CPNE4: variants seen among roughly 807,000 people sequenced by gnomAD.
CPNE4 encodes copine 4, also known as copine-4.
Under a neutral mutation model 67.9 loss-of-function variants are expected in CPNE4, and 25 were observed. The observed-to-expected ratio is 0.37, with a 90% CI of 0.27 to 0.51. CPNE4 has a LOEUF of 0.51. Among genes scored for constraint, CPNE4 ranks in the 20% least tolerant of loss-of-function variants. The probability of loss-of-function intolerance (pLI) is 0.93; values close to 1 mark genes in which losing one functional copy is unlikely to be tolerated. For synonymous variants in CPNE4, 242 were observed against 244.9 expected (o/e 0.99, Z 0.11); for missense variants, 464 against 690.8 (o/e 0.67, Z 3.68).
intron 2 of CPNE4, among the ~76,000 whole-genome samples, chr3:131,812,914 T>G (rs2084592979): frequency 6.6e-6 from 1 of 152,188 alleles, no homozygotes. Context: ...AGAATAACAT[T>G]TTAGGTAGTA....
At chr3:131,774,984 A>C (rs1167813078) in intron 2 of CPNE4, among the ~76,000 whole-genome samples, 1 of 152,156 alleles carries the variant, frequency 6.6e-6, no homozygotes, top group African/African-American at 2.4e-5. Context: ...GAGATAAAGC[A>C]AACAGGGAGG....
At chr3:131,966,500 A>C (rs1027437390) in intron 1 of CPNE4, among the ~76,000 whole-genome samples, 1 of 152,020 alleles carries the variant, frequency 6.6e-6, no homozygotes, top group Admixed American at 6.6e-5. Context: ...AGAAAAGAGA[A>C]AAGAATCAAA....
At position 131,803,233 on chromosome 3, in the gene CPNE4, A is replaced by C. The variant is rs114714361; in HGVS notation, c.181-79608T>G. On this transcript the variant is annotated intron_variant, in intron 2 of 15. Transcript: ENST00000429747. ...GAATTTTCATTTGAGTATGGTTATG[A>C]TTGCACCCACATCTGTGAGGATGAC... Among the ~76,000 whole-genome samples, 1,171 of 152,302 alleles carry C rather than the reference A, an allele frequency of 7.7e-3. 15 individuals carry two copies. Among genetic ancestry groups the C allele is most frequent in the African/African-American group, 0.026 (1,083 of 41,576 alleles).
intron 2 of CPNE4, among the ~76,000 whole-genome samples, chr3:131,767,964 T>C (rs961743588): frequency 6.6e-6 from 1 of 152,082 alleles, no homozygotes; most frequent in Non-Finnish European, 1.5e-5. Flanking sequence ...ATTTTTCCAC[T>C]CAAGTCTAGT....
intron 2 of CPNE4, among the ~76,000 whole-genome samples, chr3:131,750,070 T>C (rs960391115): frequency 1.3e-5 from 2 of 152,166 alleles, no homozygotes; most frequent in Non-Finnish European, 2.9e-5. Flanking sequence ...AGTCTCATCA[T>C]GGGGCCTCAC....
At chr3:131,998,718 T>TG (rs566515095) in intron 1 of CPNE4, among the ~76,000 whole-genome samples, 78 of 19,464 alleles carry the variant, frequency 4.0e-3, no homozygotes, top group Non-Finnish European at 7.4e-3. Context: ...GATACAGAAA[T>TG]GAAAAGATGG....
chr3:131,952,922 C>T (rs2071809795), intron 1 of CPNE4, among the ~76,000 whole-genome samples: 2 of 152,104 alleles, frequency 1.3e-5, no homozygotes. Flanking sequence ...CCTTGGGATC[C>T]TGTTGATCTG....
chr3:131,602,209 G>A (rs1178020765), intron 7 of CPNE4, among the ~76,000 whole-genome samples: 4 of 152,058 alleles, frequency 2.6e-5, no homozygotes, highest in Non-Finnish European at 5.9e-5. Context: ...AGGAGTCTGT[G>A]GTTTGTGACT....
chr3:132,015,726 C>T (rs2073877123), intron 1 of CPNE4, among the ~76,000 whole-genome samples: 2 of 152,220 alleles, frequency 1.3e-5, no homozygotes, highest in Non-Finnish European at 2.9e-5. Context: ...CCAAGCAATG[C>T]TGCTGATGAG....
intron 2 of CPNE4, among the ~76,000 whole-genome samples, chr3:131,750,089 C>T (rs990552564): frequency 6.6e-6 from 1 of 152,090 alleles, no homozygotes; most frequent in Admixed American, 6.6e-5. Context: ...ACCTGAGTGA[C>T]CTTATCTAAT....
chr3:131,844,276 T>A (rs889428240), intron 2 of CPNE4, among the ~76,000 whole-genome samples: 3 of 149,652 alleles, frequency 2.0e-5, no homozygotes, highest in African/African-American at 7.5e-5. Context: ...TTTTTTTTTT[T>A]CCGAGATGGA....
chr3:131,795,268 T>G (rs1429500325), intron 2 of CPNE4, among the ~76,000 whole-genome samples: 1 of 152,152 alleles, frequency 6.6e-6, no homozygotes, highest in Non-Finnish European at 1.5e-5. Flanking sequence ...GTGAGAGGCA[T>G]AAGCATCAAA....
At chr3:131,789,035 C>CACACACAG (rs1553771459) in intron 2 of CPNE4, among the ~76,000 whole-genome samples, 1,459 of 137,320 alleles carry the variant, frequency 0.011, 11 homozygotes, top group Middle Eastern at 0.022. Flanking sequence ...CACACACACA[C>CACACACAG]AGAGAGAGAG....
At chr3:131,806,656 G>T (rs1053645318) in intron 2 of CPNE4, among the ~76,000 whole-genome samples, 3 of 152,048 alleles carry the variant, frequency 2.0e-5, no homozygotes, top group Admixed American at 2.0e-4. Flanking sequence ...CAAGTGTAGG[G>T]AAAAAGTGAA....
chr3:131,856,167 A>G (rs897223868), intron 2 of CPNE4, among the ~76,000 whole-genome samples: 2 of 152,018 alleles, frequency 1.3e-5, no homozygotes, highest in African/African-American at 4.8e-5. Context: ...TATTAAGTCT[A>G]TTCAAGTTAC....
chr3:131,795,907 C>T (rs2083906047), intron 2 of CPNE4, among the ~76,000 whole-genome samples: 1 of 152,196 alleles, frequency 6.6e-6, no homozygotes, highest in South Asian at 2.1e-4. Flanking sequence ...TTTTTGGCTC[C>T]TGGCCAGAGG....
intron 2 of CPNE4, among the ~76,000 whole-genome samples, chr3:131,846,470 T>C (rs1238173324): frequency 6.6e-6 from 1 of 152,200 alleles, no homozygotes; most frequent in East Asian, 1.9e-4. Flanking sequence ...CATTACATCA[T>C]TCCAGTTTCC....
intron 1 of CPNE4, among the ~76,000 whole-genome samples, chr3:131,935,569 T>C (rs138352808): frequency 6.6e-6 from 1 of 152,222 alleles, no homozygotes; most frequent in East Asian, 1.9e-4. Context: ...TTTGGCATGA[T>C]TAATTAAATG....
intron 7 of CPNE4, among the ~76,000 whole-genome samples, chr3:131,661,814 A>G (rs1195539482): frequency 6.6e-6 from 1 of 152,162 alleles, no homozygotes; most frequent in African/African-American, 2.4e-5. Context: ...AATTGCTTTC[A>G]GTTGCCTAGA....
Sources: gnomAD v4.1 joint callset for allele counts (sites outside exome capture counted in the v4.1 genomes callset) on GRCh38, gnomAD v4.1.1 for gene constraint, MANE v1.5 for transcripts, NCBI Gene and HGNC (gene_info 2026-07-23, HGNC 2026-07-21) for gene names.